Variants in RNGTT observed in about 807,000 individuals in gnomAD.
RNGTT encodes the protein mRNA-capping enzyme.
A neutral mutation model predicts 79.3 loss-of-function variants in RNGTT; 33 were observed. That is an observed-to-expected ratio of 0.42 (90% CI 0.32 to 0.56). The LOEUF (loss-of-function observed/expected upper bound fraction) is 0.56, where lower values mean the gene tolerates loss of function less well. RNGTT is among the 20% of genes least tolerant of loss of function. The pLI, the probability that RNGTT is intolerant of heterozygous loss-of-function variation, is 0.17. For synonymous variants in RNGTT, 222 were observed against 235.9 expected, an observed-to-expected ratio of 0.94 and a Z score of 0.54; for missense variants, 497 against 739.1, an observed-to-expected ratio of 0.67 and a Z score of 3.80.
chr6:88,713,219 G>C (rs1166595070), intron 13 of RNGTT, among the ~76,000 whole-genome samples: 1 of 152,004 alleles, frequency 6.6e-6, no homozygotes, highest in Non-Finnish European at 1.5e-5. Flanking sequence ...AATAACACTT[G>C]CTTCCTTTCT....
At chr6:88,647,374 C>CCTAACAAAGGGTA in intron 14 of RNGTT, among the ~76,000 whole-genome samples, 1 of 152,020 alleles carries the variant, frequency 6.6e-6, no homozygotes, top group Admixed American at 6.6e-5. Context: ...GGGTAATTAC[C>CCTAACAAAGGGTA]ATCTTCAATG....
Position 88,785,375 on chromosome 6 carries a change from C to A in RNGTT, c.1339-15501G>T, listed in dbSNP as rs527520494. Among the ~76,000 whole-genome samples, 51 of 150,970 alleles carry A rather than the reference C, an allele frequency of 3.4e-4. No individual in the cohort carries two copies. In the East Asian group the frequency reaches 8.9e-3, roughly 26 times the overall value. On this transcript the variant is annotated intron_variant, in intron 12 of 15. Coordinates refer to ENST00000369485, the MANE Select transcript of RNGTT (RefSeq NM_003800.5). Reference sequence around the variant, plus strand: ...CATCTGTAGCTGTTTATTTTGCCAACAAAATTCAAAAAAAAGTAAATATTT... The same window carrying A: ...CATCTGTAGCTGTTTATTTTGCCAAAAAAATTCAAAAAAAAGTAAATATTT...
chr6:88,936,098 T>G (rs1784656714), intron 2 of RNGTT, among the ~76,000 whole-genome samples: 1 of 152,124 alleles, frequency 6.6e-6, no homozygotes, highest in Non-Finnish European at 1.5e-5. Context: ...TTTTACATTT[T>G]TAAAAAATAT....
intron 14 of RNGTT, among the ~76,000 whole-genome samples, chr6:88,650,354 T>C (rs1328833915): frequency 6.6e-6 from 1 of 152,194 alleles, no homozygotes; most frequent in Admixed American, 6.5e-5. Flanking sequence ...CAATTAACCA[T>C]GTGCTATGCA....
intron 12 of RNGTT, among the ~76,000 whole-genome samples, chr6:88,786,361 A>C (rs897346513): frequency 6.6e-6 from 1 of 152,220 alleles, no homozygotes; most frequent in Non-Finnish European, 1.5e-5. Context: ...TTTACTACCA[A>C]CTTTGTAAAT....
At chr6:88,844,223 A>G in intron 11 of RNGTT, 134 bp downstream of exon 11, 1 of 765,830 alleles carries the variant, frequency 1.3e-6, no homozygotes. Context: ...TTTGGCCAAA[A>G]CAGCGCTATA....
chr6:88,839,262 A>T (rs961149166), intron 11 of RNGTT, among the ~76,000 whole-genome samples: 2 of 152,122 alleles, frequency 1.3e-5, no homozygotes, highest in East Asian at 3.9e-4. Context: ...AAAGAAAACG[A>T]CAGAACAGTG....
chr6:88,648,311 A>G (rs1773655151), intron 14 of RNGTT, among the ~76,000 whole-genome samples: 1 of 152,106 alleles, frequency 6.6e-6, no homozygotes. Flanking sequence ...CCAAGAAAAT[A>G]TCAGTACCCC....
At chr6:88,809,685 G>T (rs959440919) in intron 11 of RNGTT, among the ~76,000 whole-genome samples, 28 of 152,168 alleles carry the variant, frequency 1.8e-4, no homozygotes, top group Non-Finnish European at 3.5e-4. Flanking sequence ...AAACAGAGTA[G>T]ATTAATGTTT....
intron 11 of RNGTT, among the ~76,000 whole-genome samples, chr6:88,830,500 C>A (rs1446456733): frequency 1.3e-5 from 2 of 151,900 alleles, no homozygotes; most frequent in Admixed American, 6.6e-5. Context: ...AACACCCTAA[C>A]ATCACAATTA....
chr6:88,727,883 G>C (rs1250657592), intron 13 of RNGTT, among the ~76,000 whole-genome samples: 1 of 152,150 alleles, frequency 6.6e-6, no homozygotes, highest in Non-Finnish European at 1.5e-5. Flanking sequence ...TTTTAGCAGA[G>C]GTACCACCCC....
intron 14 of RNGTT, among the ~76,000 whole-genome samples, chr6:88,669,871 G>A (rs1180449212): frequency 6.6e-6 from 1 of 152,320 alleles, no homozygotes; most frequent in African/African-American, 2.4e-5. Flanking sequence ...TCCCGTGAAA[G>A]AATCATATAG....
At chr6:88,765,750 C>T (rs1778438440) in intron 13 of RNGTT, among the ~76,000 whole-genome samples, 1 of 152,102 alleles carries the variant, frequency 6.6e-6, no homozygotes, top group Admixed American at 6.5e-5. Flanking sequence ...CCACTATATG[C>T]TATATATACC....
In RNGTT at chr6:88,808,080, T is replaced by A. The variant is rs114024901; in HGVS notation, c.1270-6448A>T. ...AAAGAAAATTTTCAGGTAGAAGGAA[T>A]ATGATACAAGAATAAAATCTGTATC... On this transcript the variant is annotated intron_variant, in intron 11 of 15. Coordinates refer to ENST00000369485, the MANE Select transcript of RNGTT (RefSeq NM_003800.5). Among the ~76,000 whole-genome samples, 340 of 152,244 alleles carry A rather than the reference T, an allele frequency of 2.2e-3. 1 individual carries two copies. Among genetic ancestry groups the A allele is most frequent in the African/African-American group, 7.7e-3 (322 of 41,560 alleles).
chr6:88,808,888 C>T (rs944515726), intron 11 of RNGTT, among the ~76,000 whole-genome samples: 2 of 151,778 alleles, frequency 1.3e-5, no homozygotes, highest in Non-Finnish European at 2.9e-5. Context: ...GCCTGGGAAG[C>T]GGAGGTTGCA....
intron 8 of RNGTT, among the ~76,000 whole-genome samples, chr6:88,867,176 T>C (rs1782202122): frequency 6.6e-6 from 1 of 152,058 alleles, no homozygotes; most frequent in Admixed American, 6.6e-5. Flanking sequence ...AACACTCAAA[T>C]TGCAAAAGAA....
In RNGTT at chr6:88,963,478, G is replaced by T; in HGVS notation, c.-69C>A. 2 of 1,434,820 alleles carry T rather than the reference G, an allele frequency of 1.4e-6. No homozygotes were observed. Among genetic ancestry groups the T allele is most frequent in the Admixed American group, 2.2e-5 (1 of 44,596 alleles). 88.9% of individuals were successfully genotyped at this position (1,434,820 alleles called of 1,614,324 possible). On this transcript the variant is annotated 5_prime_UTR_variant, in exon 1 of 16. Transcript: ENST00000369485. ...CGCGCCTTTGGAGCCGCCTCCCCGTGGTCCGGTGCACACCGGGGTCCGAGA... is the reference window on the plus strand; with the variant it reads ...CGCGCCTTTGGAGCCGCCTCCCCGTTGTCCGGTGCACACCGGGGTCCGAGA...
rs1302630737 is a variant in RNGTT at position 88,698,110 on chromosome 6, GAT to G, written c.1440-19693_1440-19692del. On this transcript the variant is annotated intron_variant, in intron 13 of 15. Coordinates refer to ENST00000369485, the MANE Select transcript of RNGTT (RefSeq NM_003800.5). ...ATATATATATGAAATACATATATAT[GAT>G]ATATATATGAAATACATATATATGA... 1.9e-4 allele frequency among the ~76,000 whole-genome samples: 19 copies of G among 98,988 alleles called. 3 individuals are homozygous for G. Among genetic ancestry groups the G allele is most frequent in the African/African-American group, 9.3e-4 (15 of 16,164 alleles). 64.9% of individuals were successfully genotyped at this position (98,988 alleles called of 152,430 possible).
rs190674013 is a variant in RNGTT at position 88,744,837 on chromosome 6, G to C, written c.1439+24937C>G. ...ACAATTAAAATGAGATAAATTTCAA[G>C]TATTTGGGAAGTTAACGAAACATTA... is the stretch of plus-strand genomic sequence containing the variant. On this transcript the variant is annotated intron_variant, in intron 13 of 15. Transcript: ENST00000369485. Among the ~76,000 whole-genome samples, 295 of 152,208 alleles carry C rather than the reference G, an allele frequency of 1.9e-3. 4 individuals carry two copies. Among genetic ancestry groups the C allele is most frequent in the African/African-American group, 7.0e-3 (289 of 41,520 alleles).
Sources: allele counts gnomAD v4.1 joint callset (sites outside exome capture counted in the v4.1 genomes callset), GRCh38; gene constraint gnomAD v4.1.1; transcripts MANE v1.5; gene names NCBI Gene and HGNC (gene_info 2026-07-23, HGNC 2026-07-21).